Variants in KSR2 observed in about 807,000 individuals in gnomAD.
The protein encoded by KSR2 is kinase suppressor of ras 2.
In KSR2, 25 loss-of-function variants were observed where a neutral mutation model predicts 107.8. The observed-to-expected ratio is 0.23, with a 90% CI of 0.17 to 0.32. KSR2 has a LOEUF of 0.32. KSR2 is among the 10% of genes least tolerant of loss of function. The probability of loss-of-function intolerance (pLI) is 1.00; values close to 1 mark genes in which losing one functional copy is unlikely to be tolerated. For synonymous variants in KSR2, 480 were observed against 507.0 expected (o/e 0.95, Z 0.71); for missense variants, 887 against 1,268.9 (o/e 0.70, Z 4.57).
intron 3 of KSR2, among the ~76,000 whole-genome samples, chr12:117,829,961 C>T (rs1891897895): frequency 6.6e-6 from 1 of 152,160 alleles, no homozygotes; most frequent in African/African-American, 2.4e-5. Context: ...AACAGAAAAT[C>T]AAATATTGCA....
intron 14 of KSR2, among the ~76,000 whole-genome samples, chr12:117,516,922 C>T (rs75135440): frequency 0.013 from 2,024 of 152,302 alleles, 44 homozygotes; most frequent in African/African-American, 0.046. Flanking sequence ...TAGCTATTTT[C>T]CAGTCTTCTT....
intron 5 of KSR2, among the ~76,000 whole-genome samples, chr12:117,593,287 G>A (rs779961642): frequency 5.9e-5 from 9 of 152,218 alleles, no homozygotes; most frequent in Non-Finnish European, 8.8e-5. Context: ...ATGTCCCTGC[G>A]AAGGGAGAAA....
In KSR2 at chr12:117,586,447, G is replaced by T. The variant is rs556034321; in HGVS notation, c.1172-4088C>A. On this transcript the variant is annotated intron_variant, in intron 5 of 19. Coordinates refer to ENST00000339824, the MANE Select transcript of KSR2 (RefSeq NM_173598.6). ...ACTAAAAATACAAAAAATTATTTTT[G>T]TATATGGCGGGCACCGGTAATCCCA... Among the ~76,000 whole-genome samples the T allele has an allele frequency of 4.0e-5, 6 of 151,760 alleles. No individual in the cohort carries two copies. In the South Asian group the frequency reaches 8.3e-4, roughly 21 times the overall value.
At chr12:117,751,419 G>T (rs1028951959) in intron 4 of KSR2, among the ~76,000 whole-genome samples, 3 of 152,032 alleles carry the variant, frequency 2.0e-5, no homozygotes, top group African/African-American at 7.2e-5. Context: ...TTTAACCCTG[G>T]GTTAACTTTC....
chr12:117,737,429 C>T (rs975987228), intron 4 of KSR2, among the ~76,000 whole-genome samples: 2 of 152,126 alleles, frequency 1.3e-5, no homozygotes, highest in Admixed American at 6.5e-5. Context: ...ATTCTGTAAA[C>T]CATCTTCTCA....
rs561506057 is a variant in KSR2, at chr12:117,523,921, G to A, written c.2219+931C>T. Among the ~76,000 whole-genome samples the A allele has an allele frequency of 6.6e-5, 10 of 151,538 alleles. No homozygotes were observed. In the South Asian group the frequency reaches 1.5e-3, roughly 22 times the overall value. ...CGGGAGGTGGAGGTTGCAGTGAGCC[G>A]AGATCACACCATTGCACTCCAGCCT... On this transcript the variant is annotated intron_variant, in intron 14 of 19. Coordinates refer to ENST00000339824, the MANE Select transcript of KSR2 (RefSeq NM_173598.6).
intron 17 of KSR2, among the ~76,000 whole-genome samples, chr12:117,474,404 C>A (rs565904955): frequency 6.6e-6 from 1 of 152,240 alleles, no homozygotes; most frequent in Admixed American, 6.5e-5. Context: ...GAATTCTGAT[C>A]TTCCAGAAAT....
intron 14 of KSR2, among the ~76,000 whole-genome samples, chr12:117,499,145 T>G (rs1291844184): frequency 6.6e-6 from 1 of 152,216 alleles, no homozygotes; most frequent in Non-Finnish European, 1.5e-5. Flanking sequence ...AACGCTGAGA[T>G]CTTTTTGTTG....
Position 117,520,390 on chromosome 12 carries a change from C to T in KSR2, c.2219+4462G>A, listed in dbSNP as rs1436366488. Among the ~76,000 whole-genome samples, 3 of 152,182 alleles carry T rather than the reference C, an allele frequency of 2.0e-5. No homozygotes were observed. The East Asian group carries it at 5.8e-4, about 29-fold the overall frequency. ...TTGGTTCTACCCCACAACCAGGGAA[C>T]TGATTTCAGCAAAAAGGCTCAGCCA... On this transcript the variant is annotated intron_variant, in intron 14 of 19. Transcript: ENST00000339824.
rs1896858409 is a variant in KSR2, at chr12:117,968,298, AG to A, written c.-44del. 9.0e-6 allele frequency: 11 copies of A among 1,225,392 alleles called. No homozygotes were observed. Among genetic ancestry groups the A allele is most frequent in the Non-Finnish European group, 1.1e-5 (11 of 976,840 alleles). 75.9% of individuals were successfully genotyped at this position (1,225,392 alleles called of 1,614,324 possible). A position where few individuals can be genotyped will look rare whatever the true frequency, so the allele number is the denominator to read the frequency against. On this transcript the variant is annotated 5_prime_UTR_variant, in exon 1 of 20. Transcript: ENST00000339824. ...CCTTCCCCTCCTCCTCCTCCCAGAG[AG>A]AAAAAAGAGGGGGGGGAGTAGAGGT... is the stretch of plus-strand genomic sequence containing the variant.
At chr12:117,476,025 A>G (rs1024937872) in intron 17 of KSR2, among the ~76,000 whole-genome samples, 3 of 152,330 alleles carry the variant, frequency 2.0e-5, no homozygotes, top group South Asian at 4.1e-4. Flanking sequence ...GCAACCTCAT[A>G]AAAGCCCACT....
chr12:117,744,866 C>T (rs2136798610), intron 4 of KSR2, among the ~76,000 whole-genome samples: 1 of 152,282 alleles, frequency 6.6e-6, no homozygotes, highest in Admixed American at 6.5e-5. Context: ...CATTCCCCTG[C>T]AAGAAACCTA....
chr12:117,734,280 C>CAAA (rs10541802), intron 4 of KSR2, among the ~76,000 whole-genome samples: 2 of 103,262 alleles, frequency 1.9e-5, no homozygotes, highest in Non-Finnish European at 4.0e-5. Flanking sequence ...GACTCTGTCT[C>CAAA]AAAAAAAAAA....
At chr12:117,839,527 C>T (rs1039372084) in intron 3 of KSR2, among the ~76,000 whole-genome samples, 11 of 152,144 alleles carry the variant, frequency 7.2e-5, no homozygotes, top group African/African-American at 2.7e-4. Context: ...GCCTGACACT[C>T]AGTATGTTTT....
At chr12:117,928,262 C>A (rs891551784) in intron 1 of KSR2, among the ~76,000 whole-genome samples, 4 of 151,642 alleles carry the variant, frequency 2.6e-5, no homozygotes, top group Non-Finnish European at 5.9e-5. Flanking sequence ...TCACTGCAAC[C>A]TCTGCTGCCT....
chr12:117,789,572 G>A (rs866375934), intron 3 of KSR2, among the ~76,000 whole-genome samples: 2 of 152,160 alleles, frequency 1.3e-5, no homozygotes, highest in Non-Finnish European at 2.9e-5. Context: ...AAACAGAGCT[G>A]GGGTTTGAAC....
At chr12:117,649,844 T>C (rs1210655525) in intron 5 of KSR2, among the ~76,000 whole-genome samples, 1 of 152,080 alleles carries the variant, frequency 6.6e-6, no homozygotes, top group Non-Finnish European at 1.5e-5. Flanking sequence ...AGAACTGAAA[T>C]GGTTTTCTGT....
At chr12:117,955,644 C>A (rs1175538782) in intron 1 of KSR2, among the ~76,000 whole-genome samples, 2 of 151,866 alleles carry the variant, frequency 1.3e-5, no homozygotes, top group East Asian at 3.9e-4. Flanking sequence ...TCAGGAAAAT[C>A]AAACGCATCC....
intron 5 of KSR2, among the ~76,000 whole-genome samples, chr12:117,666,762 A>G (rs1884674805): frequency 6.6e-6 from 1 of 152,152 alleles, no homozygotes. Context: ...CCAATCAATA[A>G]AAGTTGCTGT....
Sources: gnomAD v4.1 joint callset for allele counts (sites outside exome capture counted in the v4.1 genomes callset) on GRCh38, gnomAD v4.1.1 for gene constraint, MANE v1.5 for transcripts, NCBI Gene and HGNC (gene_info 2026-07-23, HGNC 2026-07-21) for gene names.